The following DLGAP2 variants were observed in gnomAD, a reference collection of about 807,000 sequenced individuals.
The protein encoded by DLGAP2 is disks large-associated protein 2.
Under a neutral mutation model 100.3 loss-of-function variants are expected in DLGAP2, and 26 were observed. That is an observed-to-expected ratio of 0.26 (90% CI 0.19 to 0.36). DLGAP2 has a LOEUF of 0.36. Ranked by LOEUF, DLGAP2 falls within the 10% of genes least tolerant of loss-of-function variation. DLGAP2 has a pLI of 1.00. For synonymous variants in DLGAP2, 886 were observed against 630.1 expected (o/e 1.41, Z -6.08); for missense variants, 1,858 against 1,453.2 (o/e 1.28, Z -4.53).
In DLGAP2 at chr8:1,470,041, G is replaced by A. The variant is rs149834042; in HGVS notation, c.107-31325G>A. 6.1e-3 allele frequency among the ~76,000 whole-genome samples: 926 copies of A among 151,666 alleles called. 11 individuals are homozygous for A. Among genetic ancestry groups the A allele is most frequent in the African/African-American group, 0.021 (849 of 41,372 alleles). Reference sequence around the variant, plus strand: ...GCCAAGCCTGGTGGTGTGTGCCTGCGATCCCAGCTGCTCATGAGGTTGAGG... The same window carrying A: ...GCCAAGCCTGGTGGTGTGTGCCTGCAATCCCAGCTGCTCATGAGGTTGAGG... On this transcript the variant is annotated intron_variant, in intron 3 of 14. Coordinates refer to ENST00000637795, the MANE Select transcript of DLGAP2 (RefSeq NM_001346810.2).
chr8:1,540,174 G>T (rs1025760400), intron 4 of DLGAP2, among the ~76,000 whole-genome samples: 1 of 152,182 alleles, frequency 6.6e-6, no homozygotes, highest in Non-Finnish European at 1.5e-5. Flanking sequence ...TTAGGTCTCT[G>T]CCCTGGTCAA....
intron 2 of DLGAP2, among the ~76,000 whole-genome samples, chr8:977,449 G>A (rs1411326724): frequency 6.6e-6 from 1 of 152,194 alleles, no homozygotes; most frequent in Non-Finnish European, 1.5e-5. Flanking sequence ...TCTGACCCCT[G>A]TGATGTGTGA....
At chr8:1,606,317 AGTTT>A (rs1477110302) in intron 6 of DLGAP2, among the ~76,000 whole-genome samples, 3 of 152,214 alleles carry the variant, frequency 2.0e-5, no homozygotes, top group African/African-American at 2.4e-5. Flanking sequence ...AGTGGTTCTT[AGTTT>A]ATTTATGGAC....
intron 3 of DLGAP2, among the ~76,000 whole-genome samples, chr8:1,318,512 C>A (rs1202290609): frequency 6.6e-6 from 1 of 150,834 alleles, no homozygotes; most frequent in Non-Finnish European, 1.5e-5. Flanking sequence ...AAAGGCTGTT[C>A]CTGACTTTGA....
intron 2 of DLGAP2, among the ~76,000 whole-genome samples, chr8:1,133,187 A>C (rs562898258): frequency 7.2e-5 from 11 of 152,166 alleles, no homozygotes; most frequent in Admixed American, 5.2e-4. Context: ...CAAGCTACTT[A>C]AGCACTCCTG....
rs563264264 is a variant in DLGAP2, at chr8:1,588,336, C to A, written c.1442+22442C>A. 4.6e-5 allele frequency among the ~76,000 whole-genome samples: 7 copies of A among 152,020 alleles called. No homozygotes were observed. In the South Asian group the frequency reaches 1.5e-3, roughly 32 times the overall value. ...CAAAAAAGAGTCCAATCTGTAAGATCTGAGGACACAGTTAAGTGGAATCAC... is the reference window on the plus strand; with the variant it reads ...CAAAAAAGAGTCCAATCTGTAAGATATGAGGACACAGTTAAGTGGAATCAC... On this transcript the variant is annotated intron_variant, in intron 6 of 14. Coordinates refer to ENST00000637795, the MANE Select transcript of DLGAP2 (RefSeq NM_001346810.2).
At chr8:1,073,948 A>C (rs1298925301) in intron 2 of DLGAP2, among the ~76,000 whole-genome samples, 1 of 152,192 alleles carries the variant, frequency 6.6e-6, no homozygotes, top group Non-Finnish European at 1.5e-5. Flanking sequence ...TTTGCAGCAG[A>C]GTGAGGCTGA....
chr8:988,707 C>A (rs1174286034), intron 2 of DLGAP2, among the ~76,000 whole-genome samples: 1 of 152,152 alleles, frequency 6.6e-6, no homozygotes, highest in Non-Finnish European at 1.5e-5. Context: ...TCCCTGCCTG[C>A]CCTGTCCACC....
In DLGAP2 at chr8:1,707,226, G is replaced by C. The variant is rs559171587; in HGVS notation, c.*5820G>C. ...AAGCTTTCACCTACTCAATGGAGGA[G>C]AGGTGATAATGAATGAAAAGATTGA... On this transcript the variant is annotated 3_prime_UTR_variant, in exon 15 of 15. Transcript: ENST00000637795. 3 of 152,742 alleles carry C rather than the reference G, an allele frequency of 2.0e-5. No homozygotes were observed. The highest frequency in any genetic ancestry group is 2.1e-4 in the South Asian group (1 of 4,824). 9.5% of individuals were successfully genotyped at this position (152,742 alleles called of 1,614,324 possible). A position where few individuals can be genotyped will look rare whatever the true frequency, so the allele number is the denominator to read the frequency against.
intron 3 of DLGAP2, among the ~76,000 whole-genome samples, chr8:1,477,394 C>T (rs1255801621): frequency 6.6e-6 from 1 of 152,206 alleles, no homozygotes; most frequent in African/African-American, 2.4e-5. Context: ...CCTTCTGAAA[C>T]CAGCCTCTCT....
chr8:816,515 G>T (rs901761435), intron 1 of DLGAP2, among the ~76,000 whole-genome samples: 1 of 152,088 alleles, frequency 6.6e-6, no homozygotes, highest in African/African-American at 2.4e-5. Flanking sequence ...TTCTTGGCTG[G>T]TAATTGTTTT....
At chr8:1,415,820 C>T (rs538907707) in intron 3 of DLGAP2, among the ~76,000 whole-genome samples, 159 of 152,262 alleles carry the variant, frequency 1.0e-3, no homozygotes, top group Non-Finnish European at 1.4e-3. Context: ...GATTTATTTT[C>T]CTTTGGGTAT....
intron 1 of DLGAP2, among the ~76,000 whole-genome samples, chr8:740,793 A>G (rs1192764540): frequency 2.6e-5 from 4 of 152,218 alleles, no homozygotes; most frequent in Non-Finnish European, 5.9e-5. Flanking sequence ...TCAGTTATCC[A>G]AGGAGTTGAA....
chr8:896,873 T>C (rs1463361111), intron 1 of DLGAP2, among the ~76,000 whole-genome samples: 1 of 152,204 alleles, frequency 6.6e-6, no homozygotes, highest in Non-Finnish European at 1.5e-5. Context: ...TCTTAATGAA[T>C]TGATGAATTC....
intron 2 of DLGAP2, among the ~76,000 whole-genome samples, chr8:1,230,052 A>G (rs1383568299): frequency 6.6e-6 from 1 of 152,166 alleles, no homozygotes; most frequent in East Asian, 1.9e-4. Context: ...CATCCAAATA[A>G]TAAAACAGGA....
At chr8:1,369,420 A>G (rs990930974) in intron 3 of DLGAP2, 1 of 152,080 alleles carries the variant, frequency 6.6e-6, no homozygotes, top group African/African-American at 2.4e-5. Context: ...GTCCTGTTTG[A>G]TGAAACCCTA....
chr8:1,377,334 G>A (rs1252248362), intron 3 of DLGAP2, among the ~76,000 whole-genome samples: 14 of 152,242 alleles, frequency 9.2e-5, no homozygotes, highest in Admixed American at 9.2e-4. Context: ...CACGAAGTCA[G>A]GAGATCGAGA....
chr8:1,407,572 C>A (rs1364480688), intron 3 of DLGAP2, among the ~76,000 whole-genome samples: 4 of 100,190 alleles, frequency 4.0e-5, no homozygotes, highest in African/African-American at 1.5e-4. Context: ...CCTCCAGAGT[C>A]GTGTATTGAG....
At chr8:1,052,455 CT>C (rs1362575893) in intron 2 of DLGAP2, among the ~76,000 whole-genome samples, 2 of 152,146 alleles carry the variant, frequency 1.3e-5, no homozygotes, top group African/African-American at 4.8e-5. Context: ...GGAAATTTTG[CT>C]GTAAGGCGTG....
Sources: allele counts gnomAD v4.1 joint callset (sites outside exome capture counted in the v4.1 genomes callset), GRCh38; gene constraint gnomAD v4.1.1; transcripts MANE v1.5; gene names NCBI Gene and HGNC (gene_info 2026-07-23, HGNC 2026-07-21).